Variants in LRRC4C observed in about 807,000 individuals in gnomAD.
LRRC4C encodes leucine rich repeat containing 4C, also known as leucine-rich repeat-containing protein 4C.
In LRRC4C, 5 loss-of-function variants were observed where a neutral mutation model predicts 33.6. The observed-to-expected ratio is 0.15, with a 90% CI of 0.08 to 0.31. LRRC4C has a LOEUF of 0.31. Ranked by LOEUF, LRRC4C falls within the 10% of genes least tolerant of loss-of-function variation. The pLI is 1.00. For missense variants in LRRC4C, 560 were observed against 796.7 expected (o/e 0.70, Z 3.58); for synonymous variants, 329 against 302.0 (o/e 1.09, Z -0.93).
intron 1 of LRRC4C, among the ~76,000 whole-genome samples, chr11:40,989,527 AG>A (rs1291420365): frequency 3.3e-5 from 5 of 152,274 alleles, no homozygotes; most frequent in Admixed American, 3.3e-4. Flanking sequence ...CAAAAAAATT[AG>A]AAAACAGTAA....
At chr11:40,336,940 G>A (rs1168507182) in intron 3 of LRRC4C, among the ~76,000 whole-genome samples, 2 of 123,028 alleles carry the variant, frequency 1.6e-5, no homozygotes, top group East Asian at 2.3e-4. Context: ...TTGCACCACT[G>A]CACTCCAGCC....
At chr11:40,536,715 C>T (rs939199898) in intron 3 of LRRC4C, among the ~76,000 whole-genome samples, 2 of 152,038 alleles carry the variant, frequency 1.3e-5, no homozygotes, top group East Asian at 3.9e-4. Context: ...CAAATCTCTA[C>T]AGGGCTTATT....
intron 5 of LRRC4C, among the ~76,000 whole-genome samples, chr11:40,194,321 T>A (rs1862075640): frequency 6.6e-6 from 1 of 152,180 alleles, no homozygotes; most frequent in African/African-American, 2.4e-5. Context: ...TAAAAGAATT[T>A]TCAACCTAGA....
chr11:40,429,091 G>GAT (rs1950817779), intron 3 of LRRC4C, among the ~76,000 whole-genome samples: 1 of 152,150 alleles, frequency 6.6e-6, no homozygotes, highest in African/African-American at 2.4e-5. Context: ...TAAGAAAGTA[G>GAT]ATATAGTGAT....
At chr11:40,225,882 G>A (rs1020868327) in intron 5 of LRRC4C, among the ~76,000 whole-genome samples, 2 of 152,160 alleles carry the variant, frequency 1.3e-5, no homozygotes, top group Non-Finnish European at 2.9e-5. Flanking sequence ...GCCTCCCAAA[G>A]GGCTGGGATT....
intron 3 of LRRC4C, among the ~76,000 whole-genome samples, chr11:40,525,900 T>C (rs1267784549): frequency 3.3e-5 from 5 of 152,136 alleles, no homozygotes; most frequent in Admixed American, 1.3e-4. Flanking sequence ...GATAGACCAG[T>C]GGAACAGACA....
At chr11:40,352,110 TCTTC>T (rs200446819) in intron 3 of LRRC4C, among the ~76,000 whole-genome samples, 8,968 of 123,144 alleles carry the variant, frequency 0.073, 413 homozygotes, top group African/African-American at 0.11. Context: ...TTCCTTTCTT[TCTTC>T]CTTCCTTCCT....
At chr11:41,388,068 A>G (rs996676833) in intron 1 of LRRC4C, among the ~76,000 whole-genome samples, 7 of 151,850 alleles carry the variant, frequency 4.6e-5, no homozygotes, top group Non-Finnish European at 7.4e-5. Context: ...GAAATATATT[A>G]TTTTTTACAA....
chr11:41,162,541 G>A (rs745992709), intron 1 of LRRC4C, among the ~76,000 whole-genome samples: 3 of 152,058 alleles, frequency 2.0e-5, no homozygotes, highest in Admixed American at 6.6e-5. Context: ...CCTACTATAC[G>A]CCTAGGCTAT....
chr11:41,003,949 A>T (rs942898968), intron 1 of LRRC4C, among the ~76,000 whole-genome samples: 1 of 151,946 alleles, frequency 6.6e-6, no homozygotes, highest in African/African-American at 2.4e-5. Flanking sequence ...TCCAAAGTCT[A>T]GTGAATAAAG....
At chr11:40,173,941 G>C (rs1355143294) in intron 5 of LRRC4C, among the ~76,000 whole-genome samples, 1 of 152,130 alleles carries the variant, frequency 6.6e-6, no homozygotes, top group Non-Finnish European at 1.5e-5. Flanking sequence ...TATAGGTTCT[G>C]GAGGCAGAGA....
At chr11:41,099,744 G>A (rs1270403583) in intron 1 of LRRC4C, among the ~76,000 whole-genome samples, 1 of 152,078 alleles carries the variant, frequency 6.6e-6, no homozygotes, top group African/African-American at 2.4e-5. Context: ...ACACTAAATA[G>A]GCAAAAGCTA....
intron 1 of LRRC4C, among the ~76,000 whole-genome samples, chr11:41,216,058 T>TACAA (rs1250217889): frequency 1.3e-5 from 2 of 152,246 alleles, no homozygotes; most frequent in East Asian, 3.8e-4. Context: ...TTTGGCACAC[T>TACAA]GTAACTGTGA....
chr11:41,360,102 G>A (rs984837656), intron 1 of LRRC4C, among the ~76,000 whole-genome samples: 1 of 152,164 alleles, frequency 6.6e-6, no homozygotes, highest in African/African-American at 2.4e-5. Flanking sequence ...AGAATCATTT[G>A]AACCTGGGAG....
chr11:41,417,841 C>T (rs1487264587), intron 1 of LRRC4C, among the ~76,000 whole-genome samples: 1 of 151,696 alleles, frequency 6.6e-6, no homozygotes, highest in Non-Finnish European at 1.5e-5. Flanking sequence ...GCTTTAATCC[C>T]TATTTTTTTC....
At position 40,616,474 on chromosome 11, in the gene LRRC4C, G is replaced by A. The variant is rs533557828; in HGVS notation, c.-270+31668C>T. The stretch of plus-strand genomic sequence containing the variant: ...ACACATGCATGCATATGTTTATTGC[G>A]GCACTATTCACAATAGCAAAGACTT... On this transcript the variant is annotated intron_variant, in intron 3 of 6. Coordinates refer to ENST00000528697, the MANE Select transcript of LRRC4C (RefSeq NM_001258419.2). Among the ~76,000 whole-genome samples, 641 of 151,498 alleles carry A rather than the reference G, an allele frequency of 4.2e-3. 3 individuals carry two copies. Among genetic ancestry groups the A allele is most frequent in the African/African-American group, 0.014 (574 of 41,270 alleles).
chr11:40,861,184 G>A (rs974195926), intron 2 of LRRC4C, among the ~76,000 whole-genome samples: 21 of 152,082 alleles, frequency 1.4e-4, no homozygotes, highest in African/African-American at 5.1e-4. Flanking sequence ...ATATAGCTGA[G>A]ATGAGTGAAG....
intron 2 of LRRC4C, among the ~76,000 whole-genome samples, chr11:40,774,437 C>A (rs985345427): frequency 6.6e-6 from 1 of 151,960 alleles, no homozygotes; most frequent in Non-Finnish European, 1.5e-5. Flanking sequence ...TTGGAGTAGT[C>A]AATTGGGGAT....
chr11:40,801,394 C>A, intron 2 of LRRC4C, among the ~76,000 whole-genome samples: 1 of 152,110 alleles, frequency 6.6e-6, no homozygotes, highest in Non-Finnish European at 1.5e-5. Flanking sequence ...TTAGGAGGAC[C>A]TACATCATTC....
Sources: gnomAD v4.1 joint callset for allele counts (sites outside exome capture counted in the v4.1 genomes callset) on GRCh38, gnomAD v4.1.1 for gene constraint, MANE v1.5 for transcripts, NCBI Gene and HGNC (gene_info 2026-07-23, HGNC 2026-07-21) for gene names.